The following NDUFA5 variants were observed in gnomAD, a reference collection of about 807,000 sequenced individuals.
The protein encoded by NDUFA5 is NADH:ubiquinone oxidoreductase subunit A5.
NDUFA5 carries 11 observed loss-of-function variants against 19.8 expected under a neutral mutation model. That is an observed-to-expected ratio of 0.56 (90% CI 0.35 to 0.92). The LOEUF (loss-of-function observed/expected upper bound fraction) is 0.92. Among genes scored for constraint, NDUFA5 ranks in the 40% least tolerant of loss-of-function variants. The pLI, the probability that NDUFA5 is intolerant of heterozygous loss-of-function variation, is 0.01. For missense variants in NDUFA5, 109 were observed against 134.2 expected (o/e 0.81, Z 0.93); for synonymous variants, 47 against 46.8 (o/e 1.00, Z -0.01).
At chr7:123,546,282 A>G (rs980945842) in intron 3 of NDUFA5, among the ~76,000 whole-genome samples, 38 of 152,184 alleles carry the variant, frequency 2.5e-4, no homozygotes, top group African/African-American at 8.7e-4. Context: ...GCCAGAGTAC[A>G]GTATGTATAA....
intron 2 of NDUFA5, 94 bp from the exon 3 acceptor site, chr7:123,550,680 C>A: frequency 2.9e-6 from 2 of 692,996 alleles, no homozygotes; most frequent in Non-Finnish European, 4.8e-6. Flanking sequence ...ACAAAACTCA[C>A]ATCTGTTTTT....
intron 4 of NDUFA5, among the ~76,000 whole-genome samples, chr7:123,545,287 T>C (rs1287235585): frequency 2.0e-5 from 3 of 152,132 alleles, no homozygotes; most frequent in Admixed American, 6.5e-5. Flanking sequence ...TGCCACACTC[T>C]TAAAATAAGA....
the NDUFA5 span, among the ~76,000 whole-genome samples, chr7:123,573,292 T>TC: frequency 4.0e-5 from 6 of 151,146 alleles, no homozygotes; most frequent in African/African-American, 1.5e-4. Context: ...GATTTGCTTT[T>TC]TTTTTTTTTT....
chr7:123,570,130 G>T, the NDUFA5 span, among the ~76,000 whole-genome samples: 1 of 148,746 alleles, frequency 6.7e-6, no homozygotes, highest in Non-Finnish European at 1.5e-5. Flanking sequence ...TGCCTCCCGG[G>T]TTCACACCAT....
chr7:123,550,704 T>C (rs1798306362), intron 2 of NDUFA5, 118 bp from the exon 3 acceptor site: 1 of 648,442 alleles, frequency 1.5e-6, no homozygotes, highest in Non-Finnish European at 2.6e-6. Context: ...TTTTGCTTTT[T>C]TTTTTTAATT....
At chr7:123,562,802 T>C (rs1403508375), upstream of NDUFA5, among the ~76,000 whole-genome samples, 14 of 147,020 alleles carry the variant, frequency 9.5e-5, no homozygotes, top group South Asian at 4.2e-4. Context: ...TTCTTTCTTT[T>C]TTTTTTTTTT....
At chr7:123,595,989 CA>C in the NDUFA5 span, among the ~76,000 whole-genome samples, 1 of 152,134 alleles carries the variant, frequency 6.6e-6, no homozygotes. Context: ...ATGGTAATTA[CA>C]TTTTAAATCT....
At chr7:123,552,303 G>A (rs1361060182) in intron 2 of NDUFA5, among the ~76,000 whole-genome samples, 1 of 151,976 alleles carries the variant, frequency 6.6e-6, no homozygotes, top group Non-Finnish European at 1.5e-5. Context: ...ATACTATGCA[G>A]CCATAAAAAA....
chr7:123,554,693 T>G (rs76651133), intron 2 of NDUFA5: 1 of 152,214 alleles, frequency 6.6e-6, no homozygotes, highest in African/African-American at 2.4e-5. Flanking sequence ...TTTTTTTTTT[T>G]TCTTTTTTGA....
upstream of NDUFA5, among the ~76,000 whole-genome samples, chr7:123,561,111 G>A (rs996121433): frequency 6.6e-6 from 1 of 152,176 alleles, no homozygotes; most frequent in African/African-American, 2.4e-5. Flanking sequence ...TACTCAAGTT[G>A]ATGTAGCGTT....
the NDUFA5 span, among the ~76,000 whole-genome samples, chr7:123,568,823 C>T: frequency 6.6e-6 from 1 of 151,906 alleles, no homozygotes; most frequent in African/African-American, 2.4e-5. Context: ...AATACCTTAA[C>T]ATAATTTAGA....
chr7:123,599,431 G>C, the NDUFA5 span, among the ~76,000 whole-genome samples: 1 of 152,168 alleles, frequency 6.6e-6, no homozygotes, highest in Non-Finnish European at 1.5e-5. Flanking sequence ...CATTGTAGAG[G>C]GTAGATGGGA....
At chr7:123,586,677 AG>A in the NDUFA5 span, among the ~76,000 whole-genome samples, 6 of 151,684 alleles carry the variant, frequency 4.0e-5, no homozygotes, top group Admixed American at 4.0e-4. Flanking sequence ...TTTTTCTTCT[AG>A]TAGTTTTACA....
the NDUFA5 span, among the ~76,000 whole-genome samples, chr7:123,586,676 T>G: frequency 6.6e-6 from 1 of 151,800 alleles, no homozygotes; most frequent in Admixed American, 6.6e-5. Flanking sequence ...ATTTTTCTTC[T>G]AGTAGTTTTA....
chr7:123,569,391 T>C, the NDUFA5 span, among the ~76,000 whole-genome samples: 3 of 152,088 alleles, frequency 2.0e-5, no homozygotes, highest in African/African-American at 4.8e-5. Flanking sequence ...GGTCCAGCAA[T>C]AGCTAGGGCC....
chr7:123,542,415 T>A (rs762776565), intron 4 of NDUFA5, among the ~76,000 whole-genome samples, 195 bp from the exon 5 acceptor site: 1 of 152,194 alleles, frequency 6.6e-6, no homozygotes, highest in Non-Finnish European at 1.5e-5. Context: ...AGAAAGGATA[T>A]CTTTTGTTAT....
At chr7:123,545,800 T>C in intron 3 of NDUFA5, 124 bp from the exon 4 acceptor site, 1 of 634,704 alleles carries the variant, frequency 1.6e-6, no homozygotes, top group South Asian at 2.1e-5. Flanking sequence ...TCATACTCTT[T>C]TTACTAAATA....
At chr7:123,562,848 AGTGCAGCAGCACG>A (rs1274167360), upstream of NDUFA5, among the ~76,000 whole-genome samples, 1 of 140,218 alleles carries the variant, frequency 7.1e-6, no homozygotes, top group Non-Finnish European at 1.5e-5. Context: ...CCCAGGCTGG[AGTGCAGCAGCACG>A]ATCTCGCCTC....
At chr7:123,589,325 A>T in the NDUFA5 span, among the ~76,000 whole-genome samples, 1 of 149,676 alleles carries the variant, frequency 6.7e-6, no homozygotes, top group African/African-American at 2.4e-5. Flanking sequence ...TATTATTATC[A>T]TTATTATTAT....
Sources: gnomAD v4.1 joint callset for allele counts (sites outside exome capture counted in the v4.1 genomes callset) on GRCh38, gnomAD v4.1.1 for gene constraint, MANE v1.5 for transcripts, NCBI Gene and HGNC (gene_info 2026-07-23, HGNC 2026-07-21) for gene names.